Variants in NTN1 observed in about 807,000 individuals in gnomAD.
NTN1 encodes the protein netrin-1.
In NTN1, 11 loss-of-function variants were observed where a neutral mutation model predicts 54.2. That is an observed-to-expected ratio of 0.20 (90% CI 0.13 to 0.34). The LOEUF is 0.34. Ranked by LOEUF, NTN1 falls within the 10% of genes least tolerant of loss-of-function variation. The probability of loss-of-function intolerance (pLI) is 1.00; values close to 1 mark genes in which losing one functional copy is unlikely to be tolerated. For missense variants in NTN1, 740 were observed against 893.1 expected, an observed-to-expected ratio of 0.83 and a Z score of 2.18; for synonymous variants, 371 against 382.0, an observed-to-expected ratio of 0.97 and a Z score of 0.33.
intron 2 of NTN1, among the ~76,000 whole-genome samples, chr17:9,039,009 ACAT>A (rs1416629155): frequency 6.6e-6 from 1 of 152,180 alleles, no homozygotes; most frequent in Non-Finnish European, 1.5e-5. Context: ...CTATTGAGAA[ACAT>A]CATTTTTTGT....
chr17:9,022,684 C>G lies in NTN1; in HGVS notation c.311C>G (p.Pro104Arg), dbSNP rs1232995274. 1 of 1,585,834 alleles carries G rather than the reference C, an allele frequency of 6.3e-7. No individual in the cohort carries two copies. Among genetic ancestry groups the G allele is most frequent in the East Asian group, 2.4e-5 (1 of 42,408 alleles). Residue 104 changes from proline to arginine, a missense_variant, in exon 2 of 7, where the codon CCG (proline) becomes CGG (arginine). Pro to Arg is a moderately radical substitution (Grantham distance 103). Transcript: ENST00000173229. The part of the protein sequence containing the change: ...CNASDPKKAH[P>R]PAFLTDLNNP... ...GCGTCCGACCCCAAGAAGGCGCACC[C>G]GCCCGCCTTCCTCACCGACCTCAAC...
At chr17:9,172,232 T>C (rs1339577328) in intron 3 of NTN1, among the ~76,000 whole-genome samples, 4 of 151,906 alleles carry the variant, frequency 2.6e-5, no homozygotes, top group Non-Finnish European at 5.9e-5. Context: ...GTGCGGTGGC[T>C]CACGCCTGTA....
At chr17:9,186,186 A>G (rs1316768408) in intron 5 of NTN1, among the ~76,000 whole-genome samples, 3 of 151,692 alleles carry the variant, frequency 2.0e-5, no homozygotes, top group Non-Finnish European at 2.9e-5. Context: ...CTTGGTGTCA[A>G]TACTCCCTCC....
At chr17:9,009,908 T>C in the NTN1 span, among the ~76,000 whole-genome samples, 13 of 152,184 alleles carry the variant, frequency 8.5e-5, no homozygotes, top group Non-Finnish European at 1.6e-4. Flanking sequence ...CTGGGCAATT[T>C]GCTCAACCTC....
chr17:9,096,559 G>T (rs1231777692), intron 2 of NTN1, among the ~76,000 whole-genome samples: 4 of 151,846 alleles, frequency 2.6e-5, no homozygotes, highest in African/African-American at 4.8e-5. Flanking sequence ...TTTTAGTAGA[G>T]ACGGGGTTTC....
chr17:9,027,432 T>C (rs879277950), intron 2 of NTN1, among the ~76,000 whole-genome samples: 5 of 152,144 alleles, frequency 3.3e-5, no homozygotes, highest in Middle Eastern at 3.2e-3. Context: ...ACATAGCTAC[T>C]GGGTGGTGAA....
intron 3 of NTN1, among the ~76,000 whole-genome samples, chr17:9,163,858 C>G (rs1377708905): frequency 1.3e-5 from 2 of 152,216 alleles, no homozygotes; most frequent in Non-Finnish European, 2.9e-5. Flanking sequence ...AACTTGTGGC[C>G]TAAGGTCAGG....
chr17:9,125,503 C>T (rs887709384), intron 2 of NTN1, among the ~76,000 whole-genome samples: 2 of 152,188 alleles, frequency 1.3e-5, no homozygotes, highest in Admixed American at 1.3e-4. Flanking sequence ...GCTGGGATTA[C>T]AGGTGTGAGC....
intron 5 of NTN1, among the ~76,000 whole-genome samples, chr17:9,208,446 G>C (rs1018711862): frequency 2.0e-5 from 3 of 152,138 alleles, no homozygotes; most frequent in Admixed American, 6.5e-5. Flanking sequence ...AGCAGTCAGC[G>C]GTGACCTGCA....
rs1326281968 is a variant in NTN1 at position 9,239,844 on chromosome 17, C to G, written c.1691C>G (p.Ser564Cys). Residue 564 changes from serine to cysteine, a missense_variant, in exon 7 of 7, where the codon TCT becomes TGT. Transcript: ENST00000173229. This position sits in a 1 kb window ranked among gnomAD's most constrained non-coding sequence, Gnocchi z 5.2. The stretch of plus-strand genomic sequence containing the variant: ...CTGCTGCTGGGCAACGCGGAGGACT[C>G]TCCGGACCAGAGCGGCATCGTGGCC... Reference protein sequence around the residue: ...KYLLLGNAEDSPDQSGIVADK... With the variant: ...KYLLLGNAEDCPDQSGIVADK... 3.1e-6 allele frequency: 5 copies of G among 1,613,074 alleles called. No homozygotes were observed. The highest frequency in any genetic ancestry group is 2.7e-5 in the African/African-American group (2 of 74,948).
intron 3 of NTN1, among the ~76,000 whole-genome samples, chr17:9,167,118 T>G (rs1207504735): frequency 6.6e-6 from 1 of 152,208 alleles, no homozygotes; most frequent in Non-Finnish European, 1.5e-5. Context: ...CTCCAGCTAT[T>G]CAGTGCGATT....
At chr17:9,009,300 G>A in the NTN1 span, among the ~76,000 whole-genome samples, 2 of 152,156 alleles carry the variant, frequency 1.3e-5, no homozygotes, top group African/African-American at 4.8e-5. Context: ...AAGCAGACCT[G>A]GAAACCAGCG....
chr17:9,192,719 G>C (rs528008559), intron 5 of NTN1, among the ~76,000 whole-genome samples: 1 of 152,276 alleles, frequency 6.6e-6, no homozygotes, highest in African/African-American at 2.4e-5. Context: ...GGGCAGCACC[G>C]GGAGACAAAC....
rs904264101 is a variant in NTN1 at position 9,022,434 on chromosome 17, G to T, written c.61G>T (p.Ala21Ser). 7.3e-7 allele frequency: 1 copy of T among 1,374,420 alleles called. No individual in the cohort carries two copies. The allele number at this position is 1,374,420 out of a possible 1,614,324, so 85.1% of individuals were successfully genotyped here. The change falls in exon 2 of 7, where the codon GCG (alanine) becomes TCG (serine). Residue 21 changes from alanine (A) to serine (S), a missense_variant. Ala to Ser is a moderately conservative substitution (Grantham distance 99). Coordinates refer to ENST00000173229, the MANE Select transcript of NTN1 (RefSeq NM_004822.3). ...GGCGGCGGTGGCGTGCCTGGTGGGC[G>T]CGGTGCGCGGCGGGCCCGGGCTCAG... ...ALAAVACLVGAVRGGPGLSMF... is the reference protein window; with the variant it reads ...ALAAVACLVGSVRGGPGLSMF...
intron 6 of NTN1, among the ~76,000 whole-genome samples, chr17:9,222,632 G>A (rs541857025): frequency 1.3e-5 from 2 of 152,266 alleles, no homozygotes; most frequent in East Asian, 3.9e-4. Flanking sequence ...GGGGTGAGAA[G>A]CGAAGGCCAC....
chr17:9,020,377 G>A (rs2091841941), upstream of NTN1, among the ~76,000 whole-genome samples: 1 of 152,240 alleles, frequency 6.6e-6, no homozygotes, highest in Non-Finnish European at 1.5e-5. Flanking sequence ...ACCAAAGGAT[G>A]CTGTCACTGT....
intron 5 of NTN1, among the ~76,000 whole-genome samples, chr17:9,202,467 T>C (rs182819417): frequency 1.3e-5 from 2 of 152,296 alleles, no homozygotes; most frequent in East Asian, 3.9e-4. Context: ...TGTGGGTACC[T>C]GGAGTGTATT....
At chr17:9,202,086 A>C (rs565369162) in intron 5 of NTN1, among the ~76,000 whole-genome samples, 6,223 of 129,866 alleles carry the variant, frequency 0.048, 504 homozygotes, top group African/African-American at 0.16. Context: ...AAAAAAAAAA[A>C]AAAACTTAGC....
chr17:9,031,770 C>G (rs2091888940), intron 2 of NTN1, among the ~76,000 whole-genome samples: 1 of 151,916 alleles, frequency 6.6e-6, no homozygotes, highest in Admixed American at 6.6e-5. Flanking sequence ...CATGGTGAAA[C>G]CTCATCTCTA....
Sources: gnomAD v4.1 joint callset for allele counts (sites outside exome capture counted in the v4.1 genomes callset) on GRCh38, gnomAD v4.1.1 for gene constraint, Gnocchi (gnomAD v3.1) non-coding constraint, MANE v1.5 for transcripts, NCBI Gene and HGNC (gene_info 2026-07-23, HGNC 2026-07-21) for gene names.